VRK2: variants seen among roughly 807,000 people sequenced by gnomAD.
VRK2 encodes the protein serine/threonine-protein kinase VRK2.
In VRK2, 60 loss-of-function variants were observed where a neutral mutation model predicts 57.6. The ratio of observed to expected loss-of-function variants is 1.04; its 90% CI spans 0.85 to 1.29. The LOEUF (loss-of-function observed/expected upper bound fraction) is 1.29, where lower values mean the gene tolerates loss of function less well. VRK2 is among the 50% of genes most tolerant of loss of function. The probability of loss-of-function intolerance (pLI) is 0.00; values close to 1 mark genes in which losing one functional copy is unlikely to be tolerated. For missense variants in VRK2, 705 were observed against 588.1 expected, an observed-to-expected ratio of 1.20 and a Z score of -2.06; for synonymous variants, 231 against 199.2, an observed-to-expected ratio of 1.16 and a Z score of -1.35.
At chr2:58,149,938 G>A (rs1339472105) in intron 12 of VRK2, among the ~76,000 whole-genome samples, 1 of 150,496 alleles carries the variant, frequency 6.6e-6, no homozygotes, top group African/African-American at 2.4e-5. Context: ...CAGTTCCATG[G>A]AAGGTTTTTA....
intron 1 of VRK2, among the ~76,000 whole-genome samples, chr2:57,944,532 C>G (rs1671197710): frequency 6.6e-6 from 1 of 152,154 alleles, no homozygotes; most frequent in African/African-American, 2.4e-5. Context: ...GTCAGGAGAT[C>G]AAGACCATCC....
At chr2:58,118,872 G>T (rs758778595) in intron 7 of VRK2, among the ~76,000 whole-genome samples, 2 of 152,212 alleles carry the variant, frequency 1.3e-5, no homozygotes, top group African/African-American at 2.4e-5. Context: ...GTCAAAGGAG[G>T]TTGTTCTCTG....
At chr2:57,980,121 C>T (rs899961242) in intron 1 of VRK2, among the ~76,000 whole-genome samples, 1 of 152,008 alleles carries the variant, frequency 6.6e-6, no homozygotes, top group South Asian at 2.1e-4. Flanking sequence ...TCTAGATGTG[C>T]TGTTAGATCA....
intron 11 of VRK2, among the ~76,000 whole-genome samples, chr2:58,140,076 AGATGTGACTAGG>A (rs1236495562): frequency 1.3e-5 from 2 of 152,052 alleles, no homozygotes; most frequent in Non-Finnish European, 2.9e-5. Context: ...ACTGTCATAG[AGATGTGACTAGG>A]GTAAAGGCTA....
In VRK2 at chr2:58,136,673, C is replaced by G. The variant is rs577484094; in HGVS notation, c.856+1474C>G. 7.8e-4 allele frequency among the ~76,000 whole-genome samples: 118 copies of G among 151,680 alleles called. 1 individual carries two copies. Among genetic ancestry groups the G allele is most frequent in the Non-Finnish European group, 1.8e-4 (12 of 67,946 alleles). ...GTGCTGGGATTACAGGTGTGGGCCACTGCGCCTGGCCCTTATTGGCACTTT... is the reference window on the plus strand; with the variant it reads ...GTGCTGGGATTACAGGTGTGGGCCAGTGCGCCTGGCCCTTATTGGCACTTT... On this transcript the variant is annotated intron_variant, in intron 10 of 12. Coordinates refer to ENST00000340157, the MANE Select transcript of VRK2 (RefSeq NM_006296.7).
chr2:58,012,937 GTTGAAA>G (rs1298777824), intron 1 of VRK2, among the ~76,000 whole-genome samples: 3 of 152,186 alleles, frequency 2.0e-5, no homozygotes, highest in African/African-American at 7.2e-5. Flanking sequence ...ATTTTAGAGT[GTTGAAA>G]GCTTGACATG....
intron 1 of VRK2, among the ~76,000 whole-genome samples, chr2:57,926,833 TAG>T (rs894409572): frequency 1.4e-4 from 22 of 152,096 alleles, no homozygotes; most frequent in South Asian, 4.1e-4. Context: ...GTTTTTTGAT[TAG>T]AGTGTTTAGT....
chr2:58,040,574 T>A (rs529127115), intron 3 of VRK2, among the ~76,000 whole-genome samples: 1 of 152,296 alleles, frequency 6.6e-6, no homozygotes, highest in African/African-American at 2.4e-5. Context: ...AAGAGAAGCC[T>A]TTGCTTCTGT....
chr2:58,066,172 G>A (rs778639683), intron 2 of VRK2, among the ~76,000 whole-genome samples: 1 of 152,104 alleles, frequency 6.6e-6, no homozygotes, highest in Non-Finnish European at 1.5e-5. Context: ...GCTCATTTTT[G>A]ACTTGTTCTC....
At chr2:58,022,340 G>A (rs143156230) in intron 1 of VRK2, among the ~76,000 whole-genome samples, 154 of 152,330 alleles carry the variant, frequency 1.0e-3, no homozygotes, top group Admixed American at 3.8e-3. Flanking sequence ...AGCATGGAAT[G>A]CTATAATGCT....
chr2:57,959,710 C>T (rs1671696629), intron 1 of VRK2, among the ~76,000 whole-genome samples: 2 of 152,188 alleles, frequency 1.3e-5, no homozygotes, highest in South Asian at 2.1e-4. Flanking sequence ...TTGGAAAATA[C>T]AATTTATCCA....
intron 7 of VRK2, among the ~76,000 whole-genome samples, chr2:58,111,205 T>A (rs916780702): frequency 6.6e-6 from 1 of 152,192 alleles, no homozygotes; most frequent in African/African-American, 2.4e-5. Context: ...TTGAGTGGCT[T>A]ACGTTGTTTG....
chr2:58,091,338 C>G (rs553260188), intron 7 of VRK2, among the ~76,000 whole-genome samples: 1 of 152,112 alleles, frequency 6.6e-6, no homozygotes, highest in Admixed American at 6.5e-5. Context: ...GTATTTTCCA[C>G]TCAGTTTTAC....
intron 1 of VRK2, among the ~76,000 whole-genome samples, chr2:57,937,733 C>T (rs1216830210): frequency 2.0e-5 from 3 of 152,042 alleles, no homozygotes; most frequent in African/African-American, 7.2e-5. Flanking sequence ...ACCCTTCCAA[C>T]TCAGAGGATC....
At chr2:58,121,306 A>G (rs1677479424) in intron 7 of VRK2, among the ~76,000 whole-genome samples, 1 of 152,212 alleles carries the variant, frequency 6.6e-6, no homozygotes, top group Non-Finnish European at 1.5e-5. Context: ...GTAAACTATT[A>G]TATTAAAATA....
chr2:58,084,185 C>T, intron 3 of VRK2, 47 bp downstream of exon 3: 1 of 1,541,028 alleles, frequency 6.5e-7, no homozygotes, highest in Non-Finnish European at 8.8e-7. Context: ...TTGACTTTTT[C>T]CTTTTCTGCT....
At position 57,989,904 on chromosome 2, in the gene VRK2, G is replaced by A. The variant is rs187039825; in HGVS notation, c.-438-35761G>A. ...AATAATATTGTATAATAGATCATTC[G>A]ATTTAGAACATCTAACTGGAAAAGC... On this transcript the variant is annotated intron_variant, in intron 1 of 15. Transcript: ENST00000417641. 2.0e-5 allele frequency among the ~76,000 whole-genome samples: 3 copies of A among 152,158 alleles called. No homozygotes were observed. The East Asian group carries it at 5.8e-4, about 29-fold the overall frequency.
At chr2:57,930,654 C>T (rs1283352729) in intron 1 of VRK2, among the ~76,000 whole-genome samples, 2 of 152,148 alleles carry the variant, frequency 1.3e-5, no homozygotes, top group African/African-American at 4.8e-5. Flanking sequence ...AATATATTAA[C>T]TACAGTCACC....
chr2:58,049,045 T>A (rs979434349), intron 2 of VRK2, 78 bp downstream of exon 2: 1 of 1,495,930 alleles, frequency 6.7e-7, no homozygotes, highest in East Asian at 2.3e-5. Context: ...ATTTTAAGAA[T>A]GGAAATATGG....
Sources: allele counts gnomAD v4.1 joint callset (sites outside exome capture counted in the v4.1 genomes callset), GRCh38; gene constraint gnomAD v4.1.1; transcripts MANE v1.5; gene names NCBI Gene and HGNC (gene_info 2026-07-23, HGNC 2026-07-21).